EXD3: variants seen among roughly 807,000 people sequenced by gnomAD.
EXD3 encodes the protein exonuclease 3'-5' domain containing 3, also known as exonuclease mut-7 homolog.
In EXD3, 92 loss-of-function variants were observed where a neutral mutation model predicts 98.0. The observed-to-expected ratio is 0.94, with a 90% CI of 0.79 to 1.12. EXD3 has a LOEUF of 1.12. Among genes scored for constraint, EXD3 ranks in the 50% most tolerant of loss-of-function variants. The pLI is 0.00. For missense variants in EXD3, 1,222 were observed against 1,191.6 expected (o/e 1.03, Z -0.38); for synonymous variants, 569 against 526.0 (o/e 1.08, Z -1.12).
chr9:137,413,238 T>A (rs967650665), intron 1 of EXD3, among the ~76,000 whole-genome samples: 6 of 152,096 alleles, frequency 3.9e-5, no homozygotes, highest in Admixed American at 3.3e-4. Context: ...TCTCACTCCG[T>A]CGCCCAGGCT....
chr9:137,329,442 GA>G (rs548941700), intron 17 of EXD3, among the ~76,000 whole-genome samples: 1 of 9,486 alleles, frequency 1.1e-4, no homozygotes, highest in African/African-American at 1.0e-3. Flanking sequence ...AGCTACACGG[GA>G]GCTACACGGG....
intron 2 of EXD3, among the ~76,000 whole-genome samples, chr9:137,388,935 C>A (rs1397435861): frequency 6.6e-6 from 1 of 152,234 alleles, no homozygotes; most frequent in African/African-American, 2.4e-5. Context: ...AGTCCTCTGA[C>A]CGCCCACGGA....
intron 17 of EXD3, among the ~76,000 whole-genome samples, chr9:137,334,211 G>A (rs1009901563): frequency 5.3e-5 from 8 of 152,092 alleles, no homozygotes; most frequent in African/African-American, 1.9e-4. Context: ...CATGTTGGCC[G>A]GGCTGGTCTC....
At chr9:137,392,608 G>C in intron 2 of EXD3, 2 of 289,558 alleles carry the variant, frequency 6.9e-6, no homozygotes, top group Non-Finnish European at 1.4e-5. Flanking sequence ...CACGAACCAT[G>C]TAAGGGCAGA....
chr9:137,356,935 G>A (rs1180749445), intron 7 of EXD3, among the ~76,000 whole-genome samples: 1 of 152,214 alleles, frequency 6.6e-6, no homozygotes. Flanking sequence ...GTGAAGCACA[G>A]CCGCTGGGTG....
intron 10 of EXD3, chr9:137,353,109 C>T (rs71510812): frequency 1.7e-6 from 2 of 1,205,956 alleles, no homozygotes; most frequent in Non-Finnish European, 2.1e-6. Context: ...CTCCAAGCCT[C>T]CGCTGACCTT....
intron 17 of EXD3, among the ~76,000 whole-genome samples, chr9:137,334,507 GT>G (rs1285701314): frequency 6.6e-6 from 1 of 152,058 alleles, no homozygotes; most frequent in East Asian, 1.9e-4. Context: ...CTAGTAAGTG[GT>G]GCTGGGAAAA....
intron 17 of EXD3, among the ~76,000 whole-genome samples, chr9:137,338,102 T>C (rs531096556): frequency 6.6e-6 from 1 of 152,292 alleles, no homozygotes; most frequent in East Asian, 1.9e-4. Flanking sequence ...CATGTATCCT[T>C]TTACAGTCCA....
At chr9:137,412,817 G>A (rs1300526845) in intron 1 of EXD3, among the ~76,000 whole-genome samples, 1 of 152,062 alleles carries the variant, frequency 6.6e-6, no homozygotes, top group Non-Finnish European at 1.5e-5. Context: ...TCTCACTGTC[G>A]CCCAGGATGG....
chr9:137,392,192 A>G (rs936075707), intron 2 of EXD3: 1 of 152,360 alleles, frequency 6.6e-6, no homozygotes, highest in African/African-American at 2.4e-5. Context: ...CGCAGTGGAC[A>G]TTCGGATGGG....
intron 17 of EXD3, among the ~76,000 whole-genome samples, chr9:137,332,074 G>C (rs906812658): frequency 6.6e-6 from 1 of 152,076 alleles, no homozygotes. Context: ...AAATACTGCT[G>C]AAAGAAATCA....
At chr9:137,375,048 G>T (rs59399873) in intron 3 of EXD3, among the ~76,000 whole-genome samples, 14,368 of 151,120 alleles carry the variant, frequency 0.095, 679 homozygotes, top group Middle Eastern at 0.1. Context: ...TCGCTCTGTC[G>T]CCCAGGCTGG....
intron 17 of EXD3, among the ~76,000 whole-genome samples, chr9:137,344,905 A>G (rs1476108718): frequency 8.0e-6 from 1 of 124,492 alleles, no homozygotes; most frequent in African/African-American, 3.1e-5. Context: ...CCAGGTCTTC[A>G]GCTCACATTT....
chr9:137,307,367 A>G, intron 21 of EXD3, 104 bp from the exon 22 acceptor site: 3 of 1,414,066 alleles, frequency 2.1e-6, no homozygotes, highest in Non-Finnish European at 2.8e-6. Flanking sequence ...GCCCACGCTC[A>G]CTCCTCAGCA....
At chr9:137,382,131 G>A (rs1370708411) in intron 3 of EXD3, among the ~76,000 whole-genome samples, 7 of 140,914 alleles carry the variant, frequency 5.0e-5, no homozygotes, top group East Asian at 4.7e-4. Flanking sequence ...GTGAGGGCGC[G>A]GGGAGGAGGT....
intron 17 of EXD3, among the ~76,000 whole-genome samples, chr9:137,326,921 CA>C (rs745947542): frequency 1.6e-3 from 225 of 140,468 alleles, no homozygotes; most frequent in South Asian, 6.2e-3. Context: ...CAGCCACATT[CA>C]AAAAAAAAAA....
chr9:137,362,457 A>C (rs1021546138), intron 7 of EXD3, among the ~76,000 whole-genome samples: 3 of 151,586 alleles, frequency 2.0e-5, no homozygotes, highest in Non-Finnish European at 4.4e-5. Context: ...TCCAGCATAC[A>C]TTCCTGATAA....
intron 17 of EXD3, among the ~76,000 whole-genome samples, chr9:137,346,790 A>G (rs1174559204): frequency 6.6e-6 from 1 of 151,672 alleles, no homozygotes; most frequent in Non-Finnish European, 1.5e-5. Context: ...CCAGCACCCC[A>G]CTCCTGGTAC....
intron 17 of EXD3, among the ~76,000 whole-genome samples, chr9:137,333,951 T>G (rs1833227779): frequency 6.6e-6 from 1 of 151,766 alleles, no homozygotes; most frequent in Non-Finnish European, 1.5e-5. Flanking sequence ...CAAGTGATTC[T>G]CCTGCCTCAG....
Sources: allele counts gnomAD v4.1 joint callset (sites outside exome capture counted in the v4.1 genomes callset), GRCh38; gene constraint gnomAD v4.1.1; transcripts MANE v1.5; gene names NCBI Gene and HGNC (gene_info 2026-07-23, HGNC 2026-07-21).